The following TRIM71 variants were observed in gnomAD, a reference collection of about 807,000 sequenced individuals.
TRIM71 encodes E3 ubiquitin-protein ligase TRIM71.
TRIM71 carries 9 observed loss-of-function variants against 61.2 expected under a neutral mutation model. The observed-to-expected ratio is 0.15, with a 90% CI of 0.09 to 0.26. TRIM71 has a LOEUF of 0.26. Among genes scored for constraint, TRIM71 ranks in the 10% least tolerant of loss-of-function variants. The pLI, the probability that TRIM71 is intolerant of heterozygous loss-of-function variation, is 1.00. For missense variants in TRIM71, 998 were observed against 1,238.7 expected (o/e 0.81, Z 2.92); for synonymous variants, 645 against 553.2 (o/e 1.17, Z -2.33).
Position 32,891,669 on chromosome 3 carries a change from A to C in TRIM71, c.2465A>C (p.Glu822Ala). 1 of 1,613,944 alleles carries C rather than the reference A, an allele frequency of 6.2e-7. No homozygotes were observed. The highest frequency in any genetic ancestry group is 8.5e-7 in the Non-Finnish European group (1 of 1,179,912). Residue 822 changes from glutamate to alanine, a missense_variant, in exon 4 of 4, where the codon GAA becomes GCA. By Grantham distance (107) the Glu-to-Ala change is moderately radical. Coordinates refer to ENST00000383763, the MANE Select transcript of TRIM71 (RefSeq NM_001039111.3). The surrounding 1 kb of genome is among the most constrained non-coding windows in gnomAD (Gnocchi z 8.2). ...DSRNHRVQMF[E>A]SNGSFLCKFG... The stretch of plus-strand genomic sequence containing the variant: ...AGGAACCATCGGGTACAGATGTTTG[A>C]ATCCAACGGCAGCTTCCTGTGCAAG...
At chr3:32,858,902 G>A (rs1283458971) in intron 1 of TRIM71, among the ~76,000 whole-genome samples, 2 of 152,122 alleles carry the variant, frequency 1.3e-5, no homozygotes, top group African/African-American at 4.8e-5. Context: ...TGTTTCACCA[G>A]CTAAGAGCTT....
intron 1 of TRIM71, among the ~76,000 whole-genome samples, chr3:32,873,307 G>A (rs933033004): frequency 4.6e-5 from 7 of 152,146 alleles, no homozygotes; most frequent in Non-Finnish European, 8.8e-5. Context: ...TTTGCACTTT[G>A]CATTACTACC....
chr3:32,818,773 C>T lies in TRIM71; in HGVS notation c.693C>T (p.Arg231=), dbSNP rs746046564. Residue 231 remains arginine (R), a synonymous_variant, in exon 1 of 4, where the codon CGC becomes CGT. Coordinates refer to ENST00000383763, the MANE Select transcript of TRIM71 (RefSeq NM_001039111.3). ...DNCVRAHQRV[R]LTKDHYIERG... ...GCGTCCGAGCGCACCAGCGCGTGCG[C>T]CTCACCAAGGACCACTACATCGAGC... 4 of 1,607,766 alleles carry T rather than the reference C, an allele frequency of 2.5e-6. No homozygotes were observed. Among genetic ancestry groups the T allele is most frequent in the East Asian group, 2.2e-5 (1 of 44,742 alleles).
rs1696087101 is a variant in TRIM71 at position 32,818,524 on chromosome 3, C to T, written c.444C>T (p.Asn148=). Residue 148 remains asparagine, a synonymous_variant, in exon 1 of 4, where the codon AAC becomes AAT. Coordinates refer to ENST00000383763, the MANE Select transcript of TRIM71 (RefSeq NM_001039111.3). ...GAPAGAGGHS[N]HRHHAHHAHP... is the part of the protein sequence containing the mutation. The stretch of plus-strand genomic sequence containing the variant: ...CGGCGGGAGCGGGCGGCCACAGCAA[C>T]CACCGGCACCACGCTCACCACGCGC... The T allele has an allele frequency of 1.4e-6, 2 of 1,399,522 alleles. No individual in the cohort carries two copies. Among genetic ancestry groups the T allele is most frequent in the South Asian group, 2.8e-5 (2 of 70,368 alleles). 86.7% of individuals were successfully genotyped at this position (1,399,522 alleles called of 1,614,324 possible).
chr3:32,840,730 A>G (rs559375622), intron 1 of TRIM71, among the ~76,000 whole-genome samples: 1 of 152,126 alleles, frequency 6.6e-6, no homozygotes, highest in Non-Finnish European at 1.5e-5. Context: ...TTTGTTCAGC[A>G]GGAATGGCTG....
intron 1 of TRIM71, among the ~76,000 whole-genome samples, chr3:32,850,157 G>A (rs931079987): frequency 1.3e-5 from 2 of 152,238 alleles, no homozygotes. Flanking sequence ...ACAGAAAGGT[G>A]TTGAGGCATC....
At chr3:32,874,683 C>G (rs574842065) in intron 2 of TRIM71, among the ~76,000 whole-genome samples, 6 of 151,862 alleles carry the variant, frequency 4.0e-5, no homozygotes, top group Non-Finnish European at 8.8e-5. Flanking sequence ...CCACCACGCC[C>G]GGCTAATTTT....
chr3:32,868,761 TAA>T (rs139686919), intron 1 of TRIM71, among the ~76,000 whole-genome samples: 3 of 151,372 alleles, frequency 2.0e-5, no homozygotes, highest in African/African-American at 4.9e-5. Context: ...CCTAGCCAAA[TAA>T]AAAGTGTTTT....
chr3:32,889,892 G>C (rs2125693284), intron 3 of TRIM71, among the ~76,000 whole-genome samples: 1 of 142,288 alleles, frequency 7.0e-6, no homozygotes, highest in East Asian at 1.9e-4. Context: ...GTGTATGTGT[G>C]TGTGTGTGTA....
At chr3:32,876,030 A>G (rs1310906133) in intron 2 of TRIM71, among the ~76,000 whole-genome samples, 1 of 152,136 alleles carries the variant, frequency 6.6e-6, no homozygotes, top group Non-Finnish European at 1.5e-5. Flanking sequence ...TTGAATGACT[A>G]ATCCTGTTAT....
At chr3:32,836,227 C>T (rs1696332205) in intron 1 of TRIM71, among the ~76,000 whole-genome samples, 1 of 151,990 alleles carries the variant, frequency 6.6e-6, no homozygotes, top group African/African-American at 2.4e-5. Flanking sequence ...CGCATTTCCT[C>T]CCTCCCCACC....
At chr3:32,856,892 A>G (rs566799608) in intron 1 of TRIM71, among the ~76,000 whole-genome samples, 1 of 152,152 alleles carries the variant, frequency 6.6e-6, no homozygotes, top group East Asian at 1.9e-4. Flanking sequence ...GGTTTCATGT[A>G]CTCTCAGGAT....
Position 32,833,184 on chromosome 3 carries a change from T to TAAAAAAAAA in TRIM71, c.852+14272_852+14280dup, listed in dbSNP as rs1182178339. Among the ~76,000 whole-genome samples the TAAAAAAAAA allele has an allele frequency of 4.7e-3, 254 of 54,406 alleles. 11 individuals are homozygous for TAAAAAAAAA. The highest frequency in any genetic ancestry group is 0.011 in the East Asian group (13 of 1,158). The allele number at this position is 54,406 out of a possible 152,430, so 35.7% of individuals were successfully genotyped here. On this transcript the variant is annotated intron_variant, in intron 1 of 3. Coordinates refer to ENST00000383763, the MANE Select transcript of TRIM71 (RefSeq NM_001039111.3). ...GGTGACAAGAATGAAACTCTGTCTT[T>TAAAAAAAAA]AAAAAAAAAAAAAAAAAAAAAAAAA... is the stretch of plus-strand genomic sequence containing the variant.
intron 1 of TRIM71, among the ~76,000 whole-genome samples, chr3:32,826,474 T>C (rs1209342576): frequency 2.0e-5 from 3 of 152,000 alleles, no homozygotes; most frequent in Non-Finnish European, 4.4e-5. Context: ...GTTTTAGAGA[T>C]ACTCATATTA....
chr3:32,863,882 A>C (rs935129384), intron 1 of TRIM71, among the ~76,000 whole-genome samples: 1 of 151,940 alleles, frequency 6.6e-6, no homozygotes, highest in Non-Finnish European at 1.5e-5. Context: ...GGGTTTCACT[A>C]TGTTGGCCAG....
intron 1 of TRIM71, among the ~76,000 whole-genome samples, chr3:32,866,405 A>G (rs764255668): frequency 6.6e-6 from 1 of 150,424 alleles, no homozygotes; most frequent in Non-Finnish European, 1.5e-5. Flanking sequence ...CCCCCACACT[A>G]ATTTTTGTAT....
chr3:32,825,587 C>G (rs1319026607), intron 1 of TRIM71, among the ~76,000 whole-genome samples: 1 of 152,176 alleles, frequency 6.6e-6, no homozygotes, highest in Non-Finnish European at 1.5e-5. Flanking sequence ...CAGGCAGTTT[C>G]AAAATACTGC....
At chr3:32,881,019 A>G (rs1018758010) in intron 2 of TRIM71, among the ~76,000 whole-genome samples, 1 of 151,472 alleles carries the variant, frequency 6.6e-6, no homozygotes, top group Non-Finnish European at 1.5e-5. Flanking sequence ...TTATATATGT[A>G]TATATATATA....
intron 1 of TRIM71, among the ~76,000 whole-genome samples, chr3:32,833,764 C>T (rs1269876481): frequency 6.6e-6 from 1 of 151,168 alleles, no homozygotes; most frequent in African/African-American, 2.4e-5. Context: ...TGCAATATGC[C>T]CTGTTTATAA....
Sources: gnomAD v4.1 joint callset for allele counts (sites outside exome capture counted in the v4.1 genomes callset) on GRCh38, gnomAD v4.1.1 for gene constraint, Gnocchi (gnomAD v3.1) non-coding constraint, MANE v1.5 for transcripts, NCBI Gene and HGNC (gene_info 2026-07-23, HGNC 2026-07-21) for gene names.